MYO5B: variants seen among roughly 807,000 people sequenced by gnomAD.
The protein encoded by MYO5B is unconventional myosin-Vb.
In MYO5B, 143 loss-of-function variants were observed where a neutral mutation model predicts 229.3. The observed-to-expected ratio is 0.62, with a 90% CI of 0.54 to 0.72. The LOEUF (loss-of-function observed/expected upper bound fraction) is 0.72, where lower values mean the gene tolerates loss of function less well. MYO5B is among the 30% of genes least tolerant of loss of function. MYO5B has a pLI of 0.00. For synonymous variants in MYO5B, 918 were observed against 885.2 expected (o/e 1.04, Z -0.66); for missense variants, 2,321 against 2,331.0 (o/e 1.00, Z 0.09).
chr18:50,055,755 G>T (rs2030533373), intron 1 of MYO5B, among the ~76,000 whole-genome samples: 2 of 152,066 alleles, frequency 1.3e-5, no homozygotes, highest in Non-Finnish European at 2.9e-5. Flanking sequence ...ACAACACAGG[G>T]AAAAGCCAAG....
chr18:50,166,020 A>G (rs1046682295), intron 1 of MYO5B, among the ~76,000 whole-genome samples: 1 of 152,192 alleles, frequency 6.6e-6, no homozygotes, highest in Admixed American at 6.5e-5. Context: ...TGCTCCCACC[A>G]AAGTGACAGG....
At chr18:50,157,858 T>C (rs142689249) in intron 1 of MYO5B, among the ~76,000 whole-genome samples, 1 of 152,336 alleles carries the variant, frequency 6.6e-6, no homozygotes, top group East Asian at 1.9e-4. Context: ...ATGCCTGGAA[T>C]AGAATAAGCA....
intron 19 of MYO5B, among the ~76,000 whole-genome samples, chr18:49,905,652 G>A (rs948644): frequency 0.67 from 101,927 of 152,098 alleles, 34,601 homozygotes; most frequent in African/African-American, 0.77. Context: ...ACTTTGTGGC[G>A]ATTATTGTCA....
At chr18:50,180,299 G>A (rs114405170) in intron 1 of MYO5B, among the ~76,000 whole-genome samples, 246 of 152,258 alleles carry the variant, frequency 1.6e-3, no homozygotes, top group African/African-American at 5.4e-3. Flanking sequence ...CTAGTGATGT[G>A]GCTATCAGCA....
At chr18:49,916,732 C>CA (rs1778452328) in intron 17 of MYO5B, among the ~76,000 whole-genome samples, 1 of 152,032 alleles carries the variant, frequency 6.6e-6, no homozygotes, top group Admixed American at 6.5e-5. Flanking sequence ...CAAGAGAGTT[C>CA]AGTACCCACT....
intron 22 of MYO5B, among the ~76,000 whole-genome samples, chr18:49,893,889 T>A (rs2024746607): frequency 6.6e-6 from 1 of 152,198 alleles, no homozygotes; most frequent in Admixed American, 6.5e-5. Flanking sequence ...AGAGAAGGAC[T>A]CCCACGTAGG....
chr18:50,145,043 C>T (rs967078293), intron 1 of MYO5B, among the ~76,000 whole-genome samples: 2 of 152,208 alleles, frequency 1.3e-5, no homozygotes, highest in African/African-American at 4.8e-5. Context: ...GAGGCAACAA[C>T]TCAGTGCTTC....
At chr18:50,079,765 A>AG (rs1205320083) in intron 1 of MYO5B, among the ~76,000 whole-genome samples, 3 of 152,220 alleles carry the variant, frequency 2.0e-5, no homozygotes, top group Non-Finnish European at 4.4e-5. Flanking sequence ...GTCCAAGTCC[A>AG]GGGCAAAGCA....
At chr18:49,999,516 C>T (rs1354233036) in intron 5 of MYO5B, among the ~76,000 whole-genome samples, 2 of 152,114 alleles carry the variant, frequency 1.3e-5, no homozygotes, top group Non-Finnish European at 2.9e-5. Context: ...ATGTTTGCAG[C>T]CAATAAGATA....
Position 49,883,661 on chromosome 18 carries a change from G to A in MYO5B, c.3046-3206C>T, listed in dbSNP as rs562092167. On this transcript the variant is annotated intron_variant, in intron 22 of 39. Transcript: ENST00000285039. The stretch of plus-strand genomic sequence containing the variant: ...TTCATATATAATATCTAGGGATCCA[G>A]AATACCCAAACGATCTTGAAGAAGA... Among the ~76,000 whole-genome samples, 40 of 151,116 alleles carry A rather than the reference G, an allele frequency of 2.6e-4. 1 individual carries two copies. In the South Asian group the frequency reaches 7.7e-3, roughly 29 times the overall value.
chr18:49,910,016 G>C (rs1177354842), intron 18 of MYO5B, among the ~76,000 whole-genome samples: 1 of 152,232 alleles, frequency 6.6e-6, no homozygotes, highest in Non-Finnish European at 1.5e-5. Context: ...ACATAGGTCA[G>C]CATGCTATGG....
chr18:50,187,970 A>G (rs954878639), intron 1 of MYO5B, among the ~76,000 whole-genome samples: 3 of 152,154 alleles, frequency 2.0e-5, no homozygotes, highest in Admixed American at 1.3e-4. Flanking sequence ...AGGTGGTAAA[A>G]TTCCGGTGAG....
Position 49,851,092 on chromosome 18 carries a change from G to C in MYO5B, c.4222-1432C>G, listed in dbSNP as rs528062602. The C allele has an allele frequency of 5.9e-5, 9 of 152,324 alleles. No individual in the cohort carries two copies. The East Asian group carries it at 1.7e-3, about 29-fold the overall frequency. 9.4% of individuals were successfully genotyped at this position (152,324 alleles called of 1,614,324 possible). A position where few individuals can be genotyped will look rare whatever the true frequency, so the allele number is the denominator to read the frequency against. On this transcript the variant is annotated intron_variant, in intron 31 of 39. Transcript: ENST00000285039. ...TGAAAACCTTCACTACACCCTGGGAGGACAGGCAATAAATGCTCTAATGCC... is the reference window on the plus strand; with the variant it reads ...TGAAAACCTTCACTACACCCTGGGACGACAGGCAATAAATGCTCTAATGCC...
chr18:50,162,010 C>T (rs113229498), intron 1 of MYO5B, among the ~76,000 whole-genome samples: 2 of 152,374 alleles, frequency 1.3e-5, no homozygotes, highest in African/African-American at 4.8e-5. Context: ...GAAGTGGTTA[C>T]ATAGGTACCT....
At chr18:49,979,230 T>TA (rs1479719200) in intron 9 of MYO5B, among the ~76,000 whole-genome samples, 3 of 152,254 alleles carry the variant, frequency 2.0e-5, no homozygotes, top group Admixed American at 2.0e-4. Context: ...CACACAGGTA[T>TA]ATAAGCAGCA....
intron 22 of MYO5B, among the ~76,000 whole-genome samples, chr18:49,887,864 T>A (rs1026672290): frequency 3.3e-5 from 5 of 151,988 alleles, no homozygotes; most frequent in African/African-American, 4.8e-5. Flanking sequence ...TTTTGTTGTA[T>A]TTTTAGTAGA....
intron 1 of MYO5B, among the ~76,000 whole-genome samples, chr18:50,162,540 C>G (rs554182408): frequency 6.6e-6 from 1 of 152,276 alleles, no homozygotes; most frequent in South Asian, 2.1e-4. Flanking sequence ...TGGTCACAGC[C>G]TCCTGTAACT....
Position 49,953,283 on chromosome 18 carries a change from T to G in MYO5B, c.1729A>C (p.Ile577Leu). The change falls in exon 14 of 40, where the codon ATC becomes CTC. Residue 577 changes from isoleucine (I) to leucine (L), a missense_variant. Ile to Leu is a conservative substitution (Grantham distance 5). Coordinates refer to ENST00000285039, the MANE Select transcript of MYO5B (RefSeq NM_001080467.3). ...ACCTTGCTGGCCTTCAGGATATTGA[T>G]CTGCTCTTCATACACCGTGTCTCTG... ...KNRDTVYEEQ[I>L]NILKASKFPL... is the part of the protein sequence containing the mutation. 1 of 1,614,148 alleles carries G rather than the reference T, an allele frequency of 6.2e-7. No individual in the cohort carries two copies. The highest frequency in any genetic ancestry group is 8.5e-7 in the Non-Finnish European group (1 of 1,180,020).
At chr18:50,095,697 C>T (rs765339005) in intron 1 of MYO5B, among the ~76,000 whole-genome samples, 7 of 152,174 alleles carry the variant, frequency 4.6e-5, no homozygotes, top group East Asian at 3.8e-4. Flanking sequence ...GAGACCCATG[C>T]GCCTTGGGAT....
Sources: gnomAD v4.1 joint callset for allele counts (sites outside exome capture counted in the v4.1 genomes callset) on GRCh38, gnomAD v4.1.1 for gene constraint, MANE v1.5 for transcripts, NCBI Gene and HGNC (gene_info 2026-07-23, HGNC 2026-07-21) for gene names.